KREMEN1: variants seen among roughly 807,000 people sequenced by gnomAD.
The protein encoded by KREMEN1 is kringle containing transmembrane protein 1.
Under a neutral mutation model 46.5 loss-of-function variants are expected in KREMEN1, and 30 were observed. The observed-to-expected ratio is 0.65, with a 90% CI of 0.48 to 0.88. The LOEUF (loss-of-function observed/expected upper bound fraction) is 0.88, where lower values mean the gene tolerates loss of function less well. Among genes scored for constraint, KREMEN1 ranks in the 40% least tolerant of loss-of-function variants. The probability of loss-of-function intolerance (pLI) is 0.00; values close to 1 mark genes in which losing one functional copy is unlikely to be tolerated. For synonymous variants in KREMEN1, 214 were observed against 230.6 expected (o/e 0.93, Z 0.65); for missense variants, 533 against 596.9 (o/e 0.89, Z 1.11).
Position 29,141,982 on chromosome 22 carries a change from G to T in KREMEN1, c.1247G>T (p.Cys416Phe), listed in dbSNP as rs746783784. The T allele has an allele frequency of 6.2e-7, 1 of 1,612,592 alleles. No homozygotes were observed. The highest frequency in any genetic ancestry group is 1.1e-5 in the South Asian group (1 of 90,730). Residue 416 changes from cysteine to phenylalanine, a missense_variant, in exon 9 of 9, where the codon TGT becomes TTT. By Grantham distance (205) the Cys-to-Phe change is radical. Transcript: ENST00000400335. The stretch of plus-strand genomic sequence containing the variant: ...CCTGCTTCAGGGGACCTTAGGGATT[G>T]TCATCAACCAGGGACTTCGGGGGAA... The part of the protein sequence containing the change: ...RVPASGDLRD[C>F]HQPGTSGEIW...
intron 4 of KREMEN1, among the ~76,000 whole-genome samples, chr22:29,122,202 A>G (rs1210515206): frequency 3.3e-5 from 5 of 152,220 alleles, no homozygotes; most frequent in Non-Finnish European, 5.9e-5. Flanking sequence ...CAATAAACAC[A>G]TGAAAAGATG....
rs372733701 is a variant in KREMEN1 at position 29,166,889 on chromosome 22, G to C, written c.1417-155G>C. Among the ~76,000 whole-genome samples the C allele has an allele frequency of 1.9e-3, 284 of 151,326 alleles. 1 individual carries two copies. The highest frequency in any genetic ancestry group is 6.5e-3 in the African/African-American group (267 of 41,268). On this transcript the variant is annotated intron_variant, in intron 9 of 9. Transcript: ENST00000327813. Reference sequence around the variant, plus strand: ...TTGAGGCTGCAGTGAGCCATGATCAGACCACCGCACTCCAGGCTGGGTGAC... The same window carrying C: ...TTGAGGCTGCAGTGAGCCATGATCACACCACCGCACTCCAGGCTGGGTGAC...
chr22:29,159,436 T>C (rs1297469784), intron 9 of KREMEN1, among the ~76,000 whole-genome samples: 1 of 151,806 alleles, frequency 6.6e-6, no homozygotes, highest in African/African-American at 2.4e-5. Flanking sequence ...CTGACCAACA[T>C]GGTGAAACCC....
intron 3 of KREMEN1, among the ~76,000 whole-genome samples, chr22:29,120,507 C>CAG (rs200152506): frequency 1.6e-3 from 89 of 57,344 alleles, no homozygotes; most frequent in East Asian, 2.8e-3. Flanking sequence ...ATAAAGGAAA[C>CAG]GGAGGAGGGA....
chr22:29,154,090 T>C (rs1308416948), intron 9 of KREMEN1, among the ~76,000 whole-genome samples: 1 of 152,030 alleles, frequency 6.6e-6, no homozygotes, highest in African/African-American at 2.4e-5. Context: ...GAGTCCTCAA[T>C]ACATTTTAAC....
chr22:29,078,300 C>G (rs1189515254), intron 1 of KREMEN1, among the ~76,000 whole-genome samples: 2 of 151,978 alleles, frequency 1.3e-5, no homozygotes, highest in Non-Finnish European at 2.9e-5. Context: ...TGAAAATGTC[C>G]TAAAGAGAAA....
In KREMEN1 at chr22:29,125,283, C is replaced by T; in HGVS notation, c.498C>T (p.Gly166=). The T allele has an allele frequency of 6.2e-7, 1 of 1,614,156 alleles. No homozygotes were observed. The highest frequency in any genetic ancestry group is 8.5e-7 in the Non-Finnish European group (1 of 1,180,010). ...GGCAGTTTGCTGGGATGGAGTCAGG[C>T]TATGCTTGCTTCTGTGGAAACAATC... The part of the protein sequence containing the change: ...QRFKFAGMES[G]YACFCGNNPD... Residue 166 remains glycine (G), a synonymous_variant, in exon 5 of 9, where the codon GGC becomes GGT. Transcript: ENST00000400335.
chr22:29,117,459 T>C (rs1354767058), intron 3 of KREMEN1, among the ~76,000 whole-genome samples: 2 of 151,424 alleles, frequency 1.3e-5, no homozygotes, highest in African/African-American at 2.4e-5. Context: ...CCCAGCTACT[T>C]GGGAGGCTGA....
rs2038789364 is a variant in KREMEN1, at chr22:29,142,920, C to CGGGCAGATCACCTGAGGT, written c.*809_*826dup. Reference sequence around the variant, plus strand: ...ATCCCAGCACTGTGGGAGGCTGAGGCGGGCAGATCACCTGAGGTCAGGAGT... The same window carrying CGGGCAGATCACCTGAGGT: ...ATCCCAGCACTGTGGGAGGCTGAGGCGGGCAGATCACCTGAGGTGGGCAGATCACCTGAGGTCAGGAGT... On this transcript the variant is annotated 3_prime_UTR_variant, in exon 9 of 9. Coordinates refer to ENST00000400335, the MANE Select transcript of KREMEN1 (RefSeq NM_001039570.3). 1 of 939,432 alleles carries CGGGCAGATCACCTGAGGT rather than the reference C, an allele frequency of 1.1e-6. No homozygotes were observed. Among genetic ancestry groups the CGGGCAGATCACCTGAGGT allele is most frequent in the African/African-American group, 1.8e-5 (1 of 56,206 alleles). The allele number at this position is 939,432 out of a possible 1,614,324, so 58.2% of individuals were successfully genotyped here.
chr22:29,156,363 T>C (rs1323476610), intron 9 of KREMEN1, among the ~76,000 whole-genome samples: 1 of 152,244 alleles, frequency 6.6e-6, no homozygotes, highest in Non-Finnish European at 1.5e-5. Flanking sequence ...TTTATGCCTT[T>C]GGAAAGAGAC....
chr22:29,079,736 A>T (rs982243153), intron 1 of KREMEN1, among the ~76,000 whole-genome samples: 1 of 152,054 alleles, frequency 6.6e-6, no homozygotes, highest in African/African-American at 2.4e-5. Flanking sequence ...TGTATGATTG[A>T]CTCTGCGTGG....
chr22:29,167,510 G>A (rs908085885), exon 10 of KREMEN1: 5 of 176,322 alleles, frequency 2.8e-5, no homozygotes, highest in South Asian at 2.7e-4. Context: ...TTGTCCTCTC[G>A]TGGAAACAGC....
chr22:29,147,835 C>T (rs2038884295), downstream of KREMEN1, among the ~76,000 whole-genome samples: 1 of 152,178 alleles, frequency 6.6e-6, no homozygotes, highest in African/African-American at 2.4e-5. Context: ...GGCTCACATC[C>T]CAGTTCCACT....
intron 2 of KREMEN1, among the ~76,000 whole-genome samples, chr22:29,095,533 G>A (rs552692682): frequency 1.3e-5 from 2 of 152,292 alleles, no homozygotes; most frequent in South Asian, 2.1e-4. Flanking sequence ...TAGTACAGGT[G>A]CAAAGGCAGC....
At chr22:29,115,764 G>A (rs1156557586) in intron 3 of KREMEN1, among the ~76,000 whole-genome samples, 8 of 152,208 alleles carry the variant, frequency 5.3e-5, no homozygotes, top group Non-Finnish European at 7.3e-5. Context: ...CTTCCCAGGG[G>A]AAATGATGTT....
At chr22:29,087,651 C>T (rs563192350) in intron 1 of KREMEN1, among the ~76,000 whole-genome samples, 2 of 151,980 alleles carry the variant, frequency 1.3e-5, no homozygotes, top group East Asian at 3.9e-4. Context: ...CTGCAACCTC[C>T]GCCTCCCGGG....
chr22:29,149,644 G>A (rs2038900181), downstream of KREMEN1, among the ~76,000 whole-genome samples: 4 of 152,174 alleles, frequency 2.6e-5, no homozygotes, highest in African/African-American at 7.2e-5. Context: ...CGCTGCAATA[G>A]AAAAATAAAA....
At chr22:29,129,469 T>TC (rs1216390589) in intron 5 of KREMEN1, among the ~76,000 whole-genome samples, 2 of 152,144 alleles carry the variant, frequency 1.3e-5, no homozygotes, top group African/African-American at 4.8e-5. Context: ...CCACAGACTG[T>TC]CCCATGATTT....
At chr22:29,128,132 G>T (rs932565934) in intron 5 of KREMEN1, among the ~76,000 whole-genome samples, 1 of 152,144 alleles carries the variant, frequency 6.6e-6, no homozygotes, top group Non-Finnish European at 1.5e-5. Flanking sequence ...TCTTTTTAGG[G>T]TGATAAAAAT....
Sources: allele counts gnomAD v4.1 joint callset (sites outside exome capture counted in the v4.1 genomes callset), GRCh38; gene constraint gnomAD v4.1.1; transcripts MANE v1.5; gene names NCBI Gene and HGNC (gene_info 2026-07-23, HGNC 2026-07-21).